Variants in CLVS1 observed in about 807,000 individuals in gnomAD.
CLVS1 encodes the protein clavesin 1, also known as clavesin-1.
In CLVS1, 10 loss-of-function variants were observed where a neutral mutation model predicts 33.1. The ratio of observed to expected loss-of-function variants is 0.30; its 90% CI spans 0.19 to 0.51. The LOEUF is 0.51. Ranked by LOEUF, CLVS1 falls within the 20% of genes least tolerant of loss-of-function variation. CLVS1 has a pLI of 0.97. For synonymous variants in CLVS1, 163 were observed against 166.1 expected, an observed-to-expected ratio of 0.98 and a Z score of 0.14; for missense variants, 343 against 433.4, an observed-to-expected ratio of 0.79 and a Z score of 1.85.
chr8:61,256,626 C>G (rs1809089134), intron 2 of CLVS1, among the ~76,000 whole-genome samples: 1 of 148,372 alleles, frequency 6.7e-6, no homozygotes, highest in Non-Finnish European at 1.5e-5. Flanking sequence ...AAAAACTAAC[C>G]TACTCTTTAT....
chr8:61,166,600 A>G (rs1806870731), intron 2 of CLVS1, among the ~76,000 whole-genome samples: 2 of 152,084 alleles, frequency 1.3e-5, no homozygotes, highest in South Asian at 4.1e-4. Flanking sequence ...GAGGTAAAAG[A>G]GAACTTTATG....
At chr8:61,450,714 A>G (rs777826951) in intron 3 of CLVS1, among the ~76,000 whole-genome samples, 3 of 152,220 alleles carry the variant, frequency 2.0e-5, no homozygotes, top group Non-Finnish European at 2.9e-5. Context: ...TAAGTGAGAC[A>G]TACTGTAGGC....
the CLVS1 span, among the ~76,000 whole-genome samples, chr8:61,004,932 G>GT: frequency 1.3e-5 from 2 of 150,730 alleles, no homozygotes; most frequent in Admixed American, 1.3e-4. Context: ...TTGTTTGTTT[G>GT]TTTTTTGTTT....
chr8:61,185,850 ATAATT>A (rs1426608128), intron 2 of CLVS1, among the ~76,000 whole-genome samples: 1 of 152,198 alleles, frequency 6.6e-6, no homozygotes, highest in Non-Finnish European at 1.5e-5. Context: ...AAGGACCATG[ATAATT>A]TAATGGGCAA....
chr8:61,019,540 A>G, the CLVS1 span, among the ~76,000 whole-genome samples: 3 of 152,130 alleles, frequency 2.0e-5, no homozygotes, highest in Non-Finnish European at 4.4e-5. Context: ...GTTCTAATTT[A>G]TCTTATTCTA....
the CLVS1 span, among the ~76,000 whole-genome samples, chr8:60,995,226 C>A: frequency 6.6e-6 from 1 of 151,838 alleles, no homozygotes; most frequent in East Asian, 1.9e-4. Context: ...GAACAGGCAA[C>A]CTACAAAATG....
At chr8:61,359,134 G>C (rs1812866862) in intron 2 of CLVS1, among the ~76,000 whole-genome samples, 1 of 152,098 alleles carries the variant, frequency 6.6e-6, no homozygotes, top group Admixed American at 6.6e-5. Context: ...TATTATGACT[G>C]CTATTTACAA....
chr8:61,156,997 G>A lies in CLVS1; in HGVS notation c.-152+25137G>A, dbSNP rs184853665. 8.5e-5 allele frequency among the ~76,000 whole-genome samples: 13 copies of A among 152,248 alleles called. No homozygotes were observed. In the East Asian group the frequency reaches 9.6e-4, roughly 11 times the overall value. ...CACCTTGGGCAATTCTTTTTTGATT[G>A]CAGAAGGAAAACAATGAATTTTGAC... On this transcript the variant is annotated intron_variant, in intron 2 of 2. Coordinates refer to the CLVS1 transcript ENST00000522621.
At chr8:61,317,184 T>C (rs1041485200) in intron 2 of CLVS1, among the ~76,000 whole-genome samples, 8 of 152,206 alleles carry the variant, frequency 5.3e-5, no homozygotes, top group Non-Finnish European at 8.8e-5. Flanking sequence ...ATCAAGGGGC[T>C]GACAAGTTAC....
At chr8:61,475,833 G>A (rs1375880248) in intron 5 of CLVS1, among the ~76,000 whole-genome samples, 1 of 152,128 alleles carries the variant, frequency 6.6e-6, no homozygotes, top group African/African-American at 2.4e-5. Flanking sequence ...GTCTTTTGTT[G>A]CCATTGCTTT....
chr8:60,978,008 G>C, the CLVS1 span, among the ~76,000 whole-genome samples: 2 of 152,202 alleles, frequency 1.3e-5, no homozygotes. Flanking sequence ...CTTATGTAAA[G>C]TCCTGGAAGA....
chr8:61,014,299 A>G, the CLVS1 span, among the ~76,000 whole-genome samples: 1 of 151,588 alleles, frequency 6.6e-6, no homozygotes, highest in Admixed American at 6.6e-5. Flanking sequence ...CTACGTGGAA[A>G]CTCCTCCTTT....
At chr8:61,306,085 C>T (rs1262650316) in intron 2 of CLVS1, among the ~76,000 whole-genome samples, 1 of 152,156 alleles carries the variant, frequency 6.6e-6, no homozygotes, top group African/African-American at 2.4e-5. Flanking sequence ...AGTGGTATTT[C>T]TGTCTTCAGG....
At chr8:61,220,358 G>C (rs550001489) in intron 2 of CLVS1, among the ~76,000 whole-genome samples, 10 of 152,244 alleles carry the variant, frequency 6.6e-5, no homozygotes, top group Non-Finnish European at 1.5e-4. Context: ...AAGGGGTCCG[G>C]TTTCAGTTTT....
chr8:61,202,790 G>T, intron 2 of CLVS1: 1 of 1,449,262 alleles, frequency 6.9e-7, no homozygotes, highest in Non-Finnish European at 9.6e-7. Context: ...GCCCTCGGAG[G>T]TAGTAGCAAG....
chr8:61,228,363 A>G (rs1012241854), intron 2 of CLVS1, among the ~76,000 whole-genome samples: 2 of 152,196 alleles, frequency 1.3e-5, no homozygotes, highest in Admixed American at 6.5e-5. Flanking sequence ...CAAGCATACC[A>G]TATACAGATG....
At chr8:61,454,378 C>T (rs915932212) in intron 4 of CLVS1, 127 bp downstream of exon 4, 10 of 737,994 alleles carry the variant, frequency 1.4e-5, no homozygotes, top group Non-Finnish European at 2.1e-5. Flanking sequence ...TGTGGTTTTT[C>T]TACAGCCCCT....
At chr8:61,233,005 T>C (rs1275995137) in intron 2 of CLVS1, among the ~76,000 whole-genome samples, 1 of 152,150 alleles carries the variant, frequency 6.6e-6, no homozygotes, top group Non-Finnish European at 1.5e-5. Context: ...GTAAAATATG[T>C]TTTTTAAGCA....
At chr8:61,151,275 G>A (rs1046172669) in intron 2 of CLVS1, among the ~76,000 whole-genome samples, 1 of 152,138 alleles carries the variant, frequency 6.6e-6, no homozygotes, top group East Asian at 1.9e-4. Context: ...AAATGGAAAA[G>A]GGTCCAAATG....
Sources: allele counts gnomAD v4.1 joint callset (sites outside exome capture counted in the v4.1 genomes callset), GRCh38; gene constraint gnomAD v4.1.1; transcripts MANE v1.5; gene names NCBI Gene and HGNC (gene_info 2026-07-23, HGNC 2026-07-21).